The following STK32B variants were observed in gnomAD, a reference collection of about 807,000 sequenced individuals.
STK32B encodes the protein serine/threonine kinase 32B.
A neutral mutation model predicts 52.6 loss-of-function variants in STK32B; 43 were observed. The ratio of observed to expected loss-of-function variants is 0.82; its 90% CI spans 0.64 to 1.05. The LOEUF is 1.05. Among genes scored for constraint, STK32B ranks in the 50% least tolerant of loss-of-function variants. The pLI, the probability that STK32B is intolerant of heterozygous loss-of-function variation, is 0.00. For missense variants in STK32B, 621 were observed against 534.6 expected, an observed-to-expected ratio of 1.16 and a Z score of -1.59; for synonymous variants, 238 against 204.3, an observed-to-expected ratio of 1.17 and a Z score of -1.41.
chr4:5,493,229 A>G lies in STK32B; in HGVS notation c.1107-5716A>G, dbSNP rs190116566. ...GGTCCTGGACTCTTTTTTCTTGGTA[A>G]GCTATTGATTATTGCCACAATTTCA... On this transcript the variant is annotated intron_variant, in intron 11 of 11. Coordinates refer to ENST00000282908, the MANE Select transcript of STK32B (RefSeq NM_018401.3). 9.9e-3 allele frequency among the ~76,000 whole-genome samples: 1,504 copies of G among 152,158 alleles called. 23 individuals carry two copies. Among genetic ancestry groups the G allele is most frequent in the African/African-American group, 0.035 (1,435 of 41,482 alleles).
intron 3 of STK32B, among the ~76,000 whole-genome samples, chr4:5,322,582 C>T (rs1037127607): frequency 7.9e-5 from 12 of 152,180 alleles, no homozygotes; most frequent in African/African-American, 2.9e-4. Flanking sequence ...ACTTTTGCCT[C>T]AGGAAGAAGA....
intron 7 of STK32B, chr4:5,447,100 C>T (rs924875887): frequency 3.3e-5 from 7 of 211,880 alleles, no homozygotes; most frequent in African/African-American, 1.1e-4. Context: ...ACCCACAACA[C>T]AAGGTCTTCA....
chr4:5,143,012 G>C (rs1716595778), intron 2 of STK32B, among the ~76,000 whole-genome samples: 1 of 152,184 alleles, frequency 6.6e-6, no homozygotes, highest in African/African-American at 2.4e-5. Context: ...CAGCCTGCCA[G>C]CATGCCCTGT....
intron 4 of STK32B, among the ~76,000 whole-genome samples, chr4:5,346,407 A>C (rs1236886976): frequency 1.3e-5 from 2 of 152,184 alleles, no homozygotes; most frequent in Non-Finnish European, 2.9e-5. Flanking sequence ...TCTGGGTCCA[A>C]GTCTGGGTTC....
intron 7 of STK32B, among the ~76,000 whole-genome samples, chr4:5,452,141 G>C (rs1409431787): frequency 6.6e-6 from 1 of 152,180 alleles, no homozygotes; most frequent in Non-Finnish European, 1.5e-5. Flanking sequence ...ACTCCATGGG[G>C]ACATGAGGAC....
intron 3 of STK32B, among the ~76,000 whole-genome samples, chr4:5,218,136 C>CAG (rs1353494952): frequency 1.3e-5 from 2 of 152,134 alleles, no homozygotes; most frequent in African/African-American, 2.4e-5. Context: ...GGAAGTTATG[C>CAG]AGAGACACTT....
At chr4:5,245,226 G>C (rs1474976197) in intron 3 of STK32B, among the ~76,000 whole-genome samples, 1 of 152,166 alleles carries the variant, frequency 6.6e-6, no homozygotes, top group Non-Finnish European at 1.5e-5. Flanking sequence ...AATCTTTGTA[G>C]GTCACTCAGG....
intron 1 of STK32B, among the ~76,000 whole-genome samples, chr4:5,133,208 C>A (rs544587167): frequency 6.6e-6 from 1 of 152,186 alleles, no homozygotes; most frequent in African/African-American, 2.4e-5. Flanking sequence ...GTTCCCGGTA[C>A]GTAGTAGAGG....
intron 3 of STK32B, among the ~76,000 whole-genome samples, chr4:5,288,753 A>G (rs1481839530): frequency 6.6e-6 from 1 of 152,142 alleles, no homozygotes; most frequent in Non-Finnish European, 1.5e-5. Flanking sequence ...ATGACAACCA[A>G]CTTTCTATTT....
At chr4:5,177,893 G>A (rs917866892) in intron 3 of STK32B, among the ~76,000 whole-genome samples, 14 of 152,206 alleles carry the variant, frequency 9.2e-5, no homozygotes, top group African/African-American at 3.4e-4. Flanking sequence ...CTGTGGCTTT[G>A]CAGGGTACAG....
chr4:5,332,944 C>T lies in STK32B; in HGVS notation c.434+1551C>T, dbSNP rs538409731. 3.3e-3 allele frequency among the ~76,000 whole-genome samples: 508 copies of T among 152,136 alleles called. 5 individuals carry two copies. Among genetic ancestry groups the T allele is most frequent in the Admixed American group, 0.019 (284 of 15,278 alleles). On this transcript the variant is annotated intron_variant, in intron 4 of 11. Coordinates refer to ENST00000282908, the MANE Select transcript of STK32B (RefSeq NM_018401.3). The stretch of plus-strand genomic sequence containing the variant: ...AAGTCTTTGCTATTGTGAATAGTGC[C>T]GCAATAAACATAAGTGTGCATGTGT...
At chr4:5,121,304 T>C (rs1178589250) in intron 1 of STK32B, among the ~76,000 whole-genome samples, 2 of 152,218 alleles carry the variant, frequency 1.3e-5, no homozygotes, top group African/African-American at 4.8e-5. Context: ...CACATTTTCT[T>C]TATTCACTCC....
At chr4:5,300,624 A>T (rs187187499) in intron 3 of STK32B, among the ~76,000 whole-genome samples, 56 of 152,310 alleles carry the variant, frequency 3.7e-4, no homozygotes, top group African/African-American at 1.2e-3. Flanking sequence ...AAAAATCAGT[A>T]GCATTTCTAT....
At chr4:5,419,205 C>T (rs1023321167) in intron 6 of STK32B, among the ~76,000 whole-genome samples, 1 of 152,144 alleles carries the variant, frequency 6.6e-6, no homozygotes, top group African/African-American at 2.4e-5. Context: ...TTCAGGATAG[C>T]GTTCCTAACT....
At chr4:5,438,944 A>T (rs1240315702) in intron 6 of STK32B, among the ~76,000 whole-genome samples, 2 of 151,760 alleles carry the variant, frequency 1.3e-5, no homozygotes, top group African/African-American at 2.4e-5. Context: ...ATCATTTTTT[A>T]TGGCTGCATA....
chr4:5,203,543 G>C (rs891884083), intron 3 of STK32B, among the ~76,000 whole-genome samples: 1 of 152,086 alleles, frequency 6.6e-6, no homozygotes, highest in African/African-American at 2.4e-5. Flanking sequence ...GACTGTACAG[G>C]GGTTGGGCCC....
chr4:5,302,664 T>G (rs1729641147), intron 3 of STK32B, among the ~76,000 whole-genome samples: 1 of 152,104 alleles, frequency 6.6e-6, no homozygotes, highest in Non-Finnish European at 1.5e-5. Context: ...TTAGATTAAG[T>G]TCTTTAGCAG....
At position 5,331,817 on chromosome 4, in the gene STK32B, T is replaced by C. The variant is rs377044927; in HGVS notation, c.434+424T>C. On this transcript the variant is annotated intron_variant, in intron 4 of 11. Transcript: ENST00000282908. ...GAGGATTTCTTTCTCTTAGGAAGCC[T>C]CAGTGCTGGCTCTGGGCTTTGCATA... Among the ~76,000 whole-genome samples the C allele has an allele frequency of 2.1e-4, 32 of 152,268 alleles. No homozygotes were observed. In the East Asian group the frequency reaches 5.0e-3, roughly 24 times the overall value.
At chr4:5,072,560 C>G (rs892864230) in intron 1 of STK32B, among the ~76,000 whole-genome samples, 1 of 152,154 alleles carries the variant, frequency 6.6e-6, no homozygotes, top group African/African-American at 2.4e-5. Flanking sequence ...GAACAGGAAT[C>G]CAAACAGACT....
Sources: gnomAD v4.1 joint callset for allele counts (sites outside exome capture counted in the v4.1 genomes callset) on GRCh38, gnomAD v4.1.1 for gene constraint, MANE v1.5 for transcripts, NCBI Gene and HGNC (gene_info 2026-07-23, HGNC 2026-07-21) for gene names.